Variants in SEZ6 observed in about 807,000 individuals in gnomAD.
SEZ6 encodes seizure related 6 homolog.
SEZ6 carries 53 observed loss-of-function variants against 101.0 expected under a neutral mutation model. The ratio of observed to expected loss-of-function variants is 0.52; its 90% CI spans 0.42 to 0.66. The LOEUF is 0.66. SEZ6 is among the 30% of genes least tolerant of loss of function. The pLI, the probability that SEZ6 is intolerant of heterozygous loss-of-function variation, is 0.00. For missense variants in SEZ6, 1,102 were observed against 1,289.4 expected, an observed-to-expected ratio of 0.85 and a Z score of 2.23; for synonymous variants, 488 against 512.2, an observed-to-expected ratio of 0.95 and a Z score of 0.64.
intron 1 of SEZ6, among the ~76,000 whole-genome samples, chr17:29,003,135 A>G (rs1020491655): frequency 6.6e-6 from 1 of 152,228 alleles, no homozygotes; most frequent in Non-Finnish European, 1.5e-5. Flanking sequence ...CTTTATTGAT[A>G]TTCAGAAATT....
chr17:28,969,883 G>A lies in SEZ6; in HGVS notation c.928C>T (p.Pro310Ser). 6.5e-7 allele frequency: 1 copy of A among 1,542,720 alleles called. No individual in the cohort carries two copies. The highest frequency in any genetic ancestry group is 8.7e-7 in the Non-Finnish European group (1 of 1,153,192). The change falls in exon 4 of 17, where the codon CCC (proline) becomes TCC (serine). Residue 310 changes from proline to serine, a missense_variant. Around this residue, in one of 3 missense-constraint regions of SEZ6, gnomAD observed 406 missense variants for 418.6 expected, o/e 0.97. Transcript: ENST00000317338. Reference sequence around the variant, plus strand: ...AGCAGGAAAGACTGGTTGGCCAGGGGCAGTGGGTCAGGCCCCCCCAGGCCT... The same window carrying A: ...AGCAGGAAAGACTGGTTGGCCAGGGACAGTGGGTCAGGCCCCCCCAGGCCT... ...VEGLGGPDPL[P>S]LANQSFLLRG...
Position 28,960,038 on chromosome 17 carries a change from T to C in SEZ6, c.1577-146A>G, listed in dbSNP as rs373960554. The C allele has an allele frequency of 7.8e-6, 7 of 902,856 alleles. No homozygotes were observed. In the South Asian group the frequency reaches 1.0e-4, roughly 13 times the overall value. The allele number at this position is 902,856 out of a possible 1,614,324, so 55.9% of individuals were successfully genotyped here. A position where few individuals can be genotyped will look rare whatever the true frequency, so the allele number is the denominator to read the frequency against. ...TCCTGGGGTTGGAGCAGGAATGTGA[T>C]GGAGGAGGGACAGCCAAGAGCATCC... On this transcript the variant is annotated intron_variant, in intron 7 of 16. Transcript: ENST00000317338.
chr17:28,965,914 G>A (rs2041059121), intron 4 of SEZ6, among the ~76,000 whole-genome samples: 1 of 152,106 alleles, frequency 6.6e-6, no homozygotes. Flanking sequence ...TGAGGTGGAC[G>A]GATGGCCTGA....
chr17:28,972,918 C>A (rs566898230), intron 3 of SEZ6, among the ~76,000 whole-genome samples: 4 of 152,126 alleles, frequency 2.6e-5, no homozygotes, highest in African/African-American at 9.7e-5. Context: ...GAAGGGAGGA[C>A]GCTCACTACA....
At position 28,959,111 on chromosome 17, in the gene SEZ6, G is replaced by A. The variant is rs1279561066; in HGVS notation, c.2021C>T (p.Ser674Phe). Residue 674 changes from serine to phenylalanine, a missense_variant, in exon 10 of 17, where the codon TCC becomes TTC. Ser to Phe is a radical substitution (Grantham distance 155). Around this residue, in one of 3 missense-constraint regions of SEZ6, gnomAD observed 556 missense variants for 735.1 expected, o/e 0.76. Coordinates refer to ENST00000317338, the MANE Select transcript of SEZ6 (RefSeq NM_178860.5). This position sits in a 1 kb window ranked among gnomAD's most constrained non-coding sequence, Gnocchi z 4.4. ...GAACTGAATGGTGACATCAGCCATG[G>A]AGGTAAAGAGCTTGAAGTGGCTACG... ...GPRSHFKLFT[S>F]MADVTIQFQS... The A allele has an allele frequency of 6.2e-7, 1 of 1,613,912 alleles. No individual in the cohort carries two copies. Among genetic ancestry groups the A allele is most frequent in the Non-Finnish European group, 8.5e-7 (1 of 1,179,900 alleles).
At chr17:28,970,077 G>T in intron 3 of SEZ6, 125 bp from the exon 4 acceptor site, 1 of 828,520 alleles carries the variant, frequency 1.2e-6, no homozygotes, top group Non-Finnish European at 1.7e-6. Context: ...GAGCATCGGA[G>T]CCCCCAGGCC....
At chr17:29,006,167 C>G, upstream of SEZ6, 1 of 245,370 alleles carries the variant, frequency 4.1e-6, no homozygotes, top group African/African-American at 2.3e-5. Flanking sequence ...CCCGCTCCAC[C>G]GCGACTGCCC....
chr17:28,980,332 G>A (rs1249281339), intron 2 of SEZ6, among the ~76,000 whole-genome samples: 3 of 150,110 alleles, frequency 2.0e-5, no homozygotes, highest in African/African-American at 2.5e-5. Flanking sequence ...TCAGCTTCCC[G>A]AGTAGCTAGG....
At chr17:29,006,101 G>T (rs1326777606), upstream of SEZ6, 8 of 315,806 alleles carry the variant, frequency 2.5e-5, no homozygotes, top group Middle Eastern at 8.6e-4. Flanking sequence ...GGGAGGAGCG[G>T]CTTACCGTAA....
At chr17:28,999,427 C>G (rs993721895) in intron 1 of SEZ6, among the ~76,000 whole-genome samples, 3 of 152,134 alleles carry the variant, frequency 2.0e-5, no homozygotes, top group African/African-American at 7.2e-5. Flanking sequence ...CCTACCCCCT[C>G]CCTTCCTGCC....
At position 28,959,703 on chromosome 17, in the gene SEZ6, C is replaced by A; in HGVS notation, c.1766G>T (p.Cys589Phe). The change falls in exon 8 of 17, where the codon TGC (cysteine) becomes TTC (phenylalanine). Residue 589 changes from cysteine to phenylalanine, a missense_variant. Cys to Phe is a radical substitution (Grantham distance 205). This residue lies in a region of SEZ6 where 556 missense variants were observed against 735.1 expected (regional missense o/e 0.76). Transcript: ENST00000317338. The surrounding 1 kb of genome is among the most constrained non-coding windows in gnomAD (Gnocchi z 4.4). ...ATCCACTGGTGTCTACTGACCTCGG[C>A]AGGCTGGCTCTGTCTCATTCCACTG... Reference protein sequence around the residue: ...DPQWNETEPACRAVCSGEITD... With the variant: ...DPQWNETEPAFRAVCSGEITD... 6.3e-7 allele frequency: 1 copy of A among 1,589,174 alleles called. No individual in the cohort carries two copies. Among genetic ancestry groups the A allele is most frequent in the South Asian group, 1.1e-5 (1 of 87,162 alleles).
intron 1 of SEZ6, among the ~76,000 whole-genome samples, chr17:29,003,048 C>A (rs1341515159): frequency 6.6e-6 from 1 of 152,192 alleles, no homozygotes. Flanking sequence ...TCCTGAGACC[C>A]AACCTTACCC....
chr17:28,956,302 G>T, intron 15 of SEZ6, 41 bp from the exon 16 acceptor site: 1 of 1,586,568 alleles, frequency 6.3e-7, no homozygotes, highest in East Asian at 2.3e-5. Flanking sequence ...GCACTGGGTA[G>T]GAGTGAGGTA....
At chr17:28,958,886 C>T in intron 10 of SEZ6, 139 bp downstream of exon 10, 4 of 971,398 alleles carry the variant, frequency 4.1e-6, no homozygotes, top group Middle Eastern at 3.1e-4. Context: ...GAGAACAGGA[C>T]TAGCTTCCTC....
rs551458794 is a variant in SEZ6 at position 28,992,707 on chromosome 17, G to A, written c.56-10668C>T. Among the ~76,000 whole-genome samples the A allele has an allele frequency of 7.2e-5, 11 of 152,304 alleles. No individual in the cohort carries two copies. The East Asian group carries it at 9.6e-4, about 13-fold the overall frequency. On this transcript the variant is annotated intron_variant, in intron 1 of 16. Coordinates refer to ENST00000317338, the MANE Select transcript of SEZ6 (RefSeq NM_178860.5). Reference sequence around the variant, plus strand: ...GGAGGGAGAGACTAGTTGGGGCTGCGGCTGGGCCAGTCCTCTCTCCTCCAG... The same window carrying A: ...GGAGGGAGAGACTAGTTGGGGCTGCAGCTGGGCCAGTCCTCTCTCCTCCAG...
In SEZ6 at chr17:28,959,083, C is replaced by T. The variant is rs1376801220; in HGVS notation, c.2049G>A (p.Gln683=). Residue 683 remains glutamine (Q), a synonymous_variant, in exon 10 of 17, where the codon CAG becomes CAA. Coordinates refer to ENST00000317338, the MANE Select transcript of SEZ6 (RefSeq NM_178860.5). The surrounding 1 kb of genome is among the most constrained non-coding windows in gnomAD (Gnocchi z 4.4). ...TSMADVTIQF[Q]SDPGTSVLGY... ...CCAGCACTGAGGTCCCGGGGTCCGA[C>T]TGGAACTGAATGGTGACATCAGCCA... 6.8e-6 allele frequency: 11 copies of T among 1,614,012 alleles called. No homozygotes were observed. The highest frequency in any genetic ancestry group is 4.4e-5 in the South Asian group (4 of 91,082).
chr17:28,993,785 C>T (rs1276117374), intron 1 of SEZ6, among the ~76,000 whole-genome samples: 1 of 152,240 alleles, frequency 6.6e-6, no homozygotes, highest in Non-Finnish European at 1.5e-5. Context: ...GGACTACTGC[C>T]CCCTCCCAGC....
chr17:28,992,019 C>A (rs1158300192), intron 1 of SEZ6, among the ~76,000 whole-genome samples: 1 of 152,224 alleles, frequency 6.6e-6, no homozygotes, highest in Non-Finnish European at 1.5e-5. Context: ...CACTGCCCAG[C>A]CAGCAGCACC....
rs576275159 is a variant in SEZ6, at chr17:28,982,757, C to T, written c.56-718G>A. Among the ~76,000 whole-genome samples the T allele has an allele frequency of 8.5e-5, 13 of 152,238 alleles. No homozygotes were observed. The East Asian group carries it at 1.7e-3, about 20-fold the overall frequency. On this transcript the variant is annotated intron_variant, in intron 1 of 16. Coordinates refer to ENST00000317338, the MANE Select transcript of SEZ6 (RefSeq NM_178860.5). ...GCAGCCTCAACCTCCCAGGTTCAAG[C>T]GATCCTCCCACCTCAGCCACAGTCC... is the stretch of plus-strand genomic sequence containing the variant.
Sources: allele counts gnomAD v4.1 joint callset (sites outside exome capture counted in the v4.1 genomes callset), GRCh38; gene constraint gnomAD v4.1.1; regional missense constraint gnomAD v4.1.1; non-coding constraint Gnocchi (gnomAD v3.1); transcripts MANE v1.5; gene names NCBI Gene and HGNC (gene_info 2026-07-23, HGNC 2026-07-21).